Variants in CCT2 observed in about 807,000 individuals in gnomAD.
The protein encoded by CCT2 is T-complex protein 1 subunit beta.
Under a neutral mutation model 61.8 loss-of-function variants are expected in CCT2, and 18 were observed. The ratio of observed to expected loss-of-function variants is 0.29; its 90% CI spans 0.20 to 0.43. The LOEUF (loss-of-function observed/expected upper bound fraction) is 0.43, where lower values mean the gene tolerates loss of function less well. Among genes scored for constraint, CCT2 ranks in the 20% least tolerant of loss-of-function variants. The probability of loss-of-function intolerance (pLI) is 1.00; values close to 1 mark genes in which losing one functional copy is unlikely to be tolerated. For synonymous variants in CCT2, 248 were observed against 215.9 expected, an observed-to-expected ratio of 1.15 and a Z score of -1.30; for missense variants, 556 against 656.9, an observed-to-expected ratio of 0.85 and a Z score of 1.68.
At chr12:69,597,440 G>A (rs1281475633) in intron 11 of CCT2, among the ~76,000 whole-genome samples, 165 bp downstream of exon 11, 1 of 152,138 alleles carries the variant, frequency 6.6e-6, no homozygotes, top group Admixed American at 6.6e-5. Flanking sequence ...CATATTTACC[G>A]TGTCTTTGTG....
chr12:69,599,693 A>T, intron 14 of CCT2, 170 bp from the exon 15 acceptor site: 3 of 457,278 alleles, frequency 6.6e-6, no homozygotes, highest in African/African-American at 2.0e-5. Context: ...GGCCCCTTTT[A>T]ATTTTTTTAA....
chr12:69,586,747 C>T lies in CCT2; in HGVS notation c.79-6C>T, dbSNP rs1324212510. Reference sequence around the variant, plus strand: ...ATTCTGATAATCTCCTTGGTTTTTACTCCAGACTTCTTTTATTGGTGCCAT... The same window carrying T: ...ATTCTGATAATCTCCTTGGTTTTTATTCCAGACTTCTTTTATTGGTGCCAT... On this transcript the variant is annotated splice_polypyrimidine_tract_variant and splice_region_variant and intron_variant, in intron 2 of 15. Transcript: ENST00000299300. 3 of 1,590,676 alleles carry T rather than the reference C, an allele frequency of 1.9e-6. No homozygotes were observed. Among genetic ancestry groups the T allele is most frequent in the Non-Finnish European group, 2.6e-6 (3 of 1,168,506 alleles).
intron 7 of CCT2, among the ~76,000 whole-genome samples, chr12:69,591,542 C>T (rs1593097411): frequency 6.6e-6 from 1 of 151,580 alleles, no homozygotes; most frequent in South Asian, 2.1e-4. Context: ...AAATATAGGA[C>T]TTAACCTATT....
Position 69,589,598 on chromosome 12 carries a change from T to C in CCT2, c.560T>C (p.Val187Ala). The change falls in exon 7 of 16, where the codon GTT becomes GCT. Residue 187 changes from valine to alanine, a missense_variant. By Grantham distance (64) the Val-to-Ala change is moderately conservative. Transcript: ENST00000299300. ...DHFTKLAVEA[V>A]LRLKGSGNLE... ...TTTACAAAGTTAGCTGTAGAAGCAG[T>C]TCTCAGACTGAAAGGCTCTGGCAAC... 6.2e-7 allele frequency: 1 copy of C among 1,614,130 alleles called. No homozygotes were observed. Among genetic ancestry groups the C allele is most frequent in the Non-Finnish European group, 8.5e-7 (1 of 1,180,002 alleles).
chr12:69,588,472 T>C, intron 6 of CCT2: 1 of 513,800 alleles, frequency 1.9e-6, no homozygotes, highest in Non-Finnish European at 3.5e-6. Context: ...CATCAAAATA[T>C]ACAAATAAAG....
At position 69,588,200 on chromosome 12, in the gene CCT2, G is replaced by C. The variant is rs764322852; in HGVS notation, c.384G>C (p.Ala128=). 1 of 1,613,974 alleles carries C rather than the reference G, an allele frequency of 6.2e-7. No homozygotes were observed. The highest frequency in any genetic ancestry group is 8.5e-7 in the Non-Finnish European group (1 of 1,180,012). The change falls in exon 6 of 16, where the codon GCG becomes GCC. Residue 128 remains alanine, a synonymous_variant. Transcript: ENST00000299300. ...AGATTCATCCACAGACCATCATAGC[G>C]GGTTGGAGAGAAGCCACGAAGGCTG... The part of the protein sequence containing the change: ...AKKIHPQTII[A]GWREATKAAR...
At chr12:69,588,519 T>C (rs2135850598) in intron 6 of CCT2, 1 of 302,886 alleles carries the variant, frequency 3.3e-6, no homozygotes, top group East Asian at 6.0e-5. Context: ...TTTGTTAGCC[T>C]CTTTTTAACC....
chr12:69,592,106 G>GA lies in CCT2; in HGVS notation c.701dup (p.Asn234LysfsTer3). On this transcript the variant is annotated frameshift_variant, in exon 8 of 16. Transcript: ENST00000299300. LOFTEE classifies it high-confidence loss of function. The stretch of plus-strand genomic sequence containing the variant: ...TGGAGTAAATCAACCAAAACGAATT[G>GA]AAAATGCTAAAATTCTTATTGCAAA... The GA allele has an allele frequency of 6.2e-7, 1 of 1,601,362 alleles. No homozygotes were observed. The highest frequency in any genetic ancestry group is 8.6e-7 in the Non-Finnish European group (1 of 1,168,526).
intron 3 of CCT2, chr12:69,587,022 T>A (rs1331535930): frequency 2.2e-6 from 1 of 446,798 alleles, no homozygotes. Context: ...ACTGTTATCA[T>A]TTGCACGTAC....
chr12:69,588,693 C>A (rs1249130542), intron 6 of CCT2, among the ~76,000 whole-genome samples: 4 of 152,116 alleles, frequency 2.6e-5, no homozygotes, highest in Non-Finnish European at 5.9e-5. Flanking sequence ...TGTGACGTTG[C>A]GACATAGCCC....
chr12:69,596,001 G>T (rs1313490835), intron 10 of CCT2, among the ~76,000 whole-genome samples: 2 of 152,238 alleles, frequency 1.3e-5, no homozygotes, highest in African/African-American at 2.4e-5. Flanking sequence ...GTGCCCAGGA[G>T]GTTGTGCTAT....
chr12:69,597,057 G>A, intron 10 of CCT2, 99 bp from the exon 11 acceptor site: 6 of 1,085,000 alleles, frequency 5.5e-6, no homozygotes, highest in Non-Finnish European at 8.0e-6. Flanking sequence ...TTTAAAATGT[G>A]AAACACATTA....
At chr12:69,595,618 G>A (rs1027144415) in intron 10 of CCT2, among the ~76,000 whole-genome samples, 2 of 150,984 alleles carry the variant, frequency 1.3e-5, no homozygotes, top group Admixed American at 6.6e-5. Context: ...AACCCGGGAG[G>A]TGGAGGTTGC....
At position 69,597,952 on chromosome 12, in the gene CCT2, G is replaced by A. The variant is rs572440241; in HGVS notation, c.1232-16G>A. The A allele has an allele frequency of 3.8e-6, 6 of 1,598,582 alleles. No homozygotes were observed. In the African/African-American group the frequency reaches 8.0e-5, roughly 21 times the overall value. On this transcript the variant is annotated splice_polypyrimidine_tract_variant and intron_variant, in intron 12 of 15. Coordinates refer to ENST00000299300, the MANE Select transcript of CCT2 (RefSeq NM_006431.3). ...AACTAAGCATTGCAATATTTTATTG[G>A]AATTTTAATCTTTAGGCTGTTCTGA...
rs754036102 is a variant in CCT2, at chr12:69,587,463, A to G, written c.145-42A>G. 5.2e-5 allele frequency: 57 copies of G among 1,094,318 alleles called. No homozygotes were observed. In the South Asian group the frequency reaches 6.7e-4, roughly 13 times the overall value. The allele number at this position is 1,094,318 out of a possible 1,614,324, so 67.8% of individuals were successfully genotyped here. On this transcript the variant is annotated intron_variant, in intron 3 of 15. Coordinates refer to ENST00000299300, the MANE Select transcript of CCT2 (RefSeq NM_006431.3). ...CTGATTGATCCATGCATTCTTCAAG[A>G]TGTGCTTATGTCTTAACTTGAACCA...
At chr12:69,593,892 CT>C (rs2135855677) in intron 10 of CCT2, among the ~76,000 whole-genome samples, 2 of 151,902 alleles carry the variant, frequency 1.3e-5, no homozygotes, top group East Asian at 3.9e-4. Flanking sequence ...AATCCCAGCA[CT>C]TTGGGAGGCC....
chr12:69,593,495 G>A lies in CCT2; in HGVS notation c.879-15G>A. On this transcript the variant is annotated splice_polypyrimidine_tract_variant and intron_variant, in intron 9 of 15. Transcript: ENST00000299300. ...ACAGTTGTGAGCATAATGTTTTCAT[G>A]TATTTTATTTACAGGCAATTAATTT... The A allele has an allele frequency of 6.6e-7, 1 of 1,507,372 alleles. No homozygotes were observed. Among genetic ancestry groups the A allele is most frequent in the African/African-American group, 1.4e-5 (1 of 72,820 alleles). The allele number at this position is 1,507,372 out of a possible 1,614,324, so 93.4% of individuals were successfully genotyped here.
chr12:69,593,242 T>A, intron 9 of CCT2, 139 bp downstream of exon 9: 1 of 780,828 alleles, frequency 1.3e-6, no homozygotes, highest in Non-Finnish European at 2.0e-6. Flanking sequence ...TTGTAATCAG[T>A]AAATTGTGAT....
chr12:69,592,793 TGGC>T (rs1881873961), intron 8 of CCT2, 180 bp from the exon 9 acceptor site: 2 of 450,954 alleles, frequency 4.4e-6, no homozygotes, highest in Admixed American at 4.1e-5. Context: ...CTGGGTGTGG[TGGC>T]GCACACCTGT....
Sources: allele counts gnomAD v4.1 joint callset (sites outside exome capture counted in the v4.1 genomes callset), GRCh38; gene constraint gnomAD v4.1.1; transcripts MANE v1.5; gene names NCBI Gene and HGNC (gene_info 2026-07-23, HGNC 2026-07-21).